The following AKAP9 variants were observed in gnomAD, a reference collection of about 807,000 sequenced individuals.
The protein encoded by AKAP9 is A-kinase anchor protein 9.
In AKAP9, 311 loss-of-function variants were observed where a neutral mutation model predicts 488.5. That is an observed-to-expected ratio of 0.64 (90% CI 0.58 to 0.70). The LOEUF is 0.70. Ranked by LOEUF, AKAP9 falls within the 30% of genes least tolerant of loss-of-function variation. The pLI, the probability that AKAP9 is intolerant of heterozygous loss-of-function variation, is 0.00. For synonymous variants in AKAP9, 1,462 were observed against 1,483.5 expected (o/e 0.99, Z 0.33); for missense variants, 4,215 against 4,374.5 (o/e 0.96, Z 1.03).
At chr7:91,947,629 C>T (rs188745665) in intron 1 of AKAP9, among the ~76,000 whole-genome samples, 21 of 152,258 alleles carry the variant, frequency 1.4e-4, no homozygotes, top group Middle Eastern at 3.4e-3. Context: ...CGTGAGCAAC[C>T]GCGCCCGGCC....
chr7:92,075,176 C>T (rs969624896), intron 28 of AKAP9, among the ~76,000 whole-genome samples: 1 of 152,062 alleles, frequency 6.6e-6, no homozygotes, highest in Admixed American at 6.5e-5. Flanking sequence ...CTCTACTGCT[C>T]TCGAGACCAC....
At chr7:91,957,826 T>G (rs184342616) in intron 1 of AKAP9, among the ~76,000 whole-genome samples, 376 of 152,360 alleles carry the variant, frequency 2.5e-3, no homozygotes, top group Middle Eastern at 0.017. Context: ...AGTATACTTT[T>G]ATCAAGAATG....
At chr7:92,106,935 T>C (rs142134325) in intron 47 of AKAP9, among the ~76,000 whole-genome samples, 3 of 152,340 alleles carry the variant, frequency 2.0e-5, no homozygotes, top group African/African-American at 7.2e-5. Context: ...TACATTGGTC[T>C]AATATTTTTT....
At chr7:92,009,030 C>T (rs1419131786) in intron 8 of AKAP9, among the ~76,000 whole-genome samples, 3 of 149,192 alleles carry the variant, frequency 2.0e-5, no homozygotes, top group Non-Finnish European at 4.5e-5. Context: ...AGACATAAAC[C>T]AAATGAGGCT....
At chr7:91,999,837 A>G (rs3753107) in intron 7 of AKAP9, among the ~76,000 whole-genome samples, 68,376 of 151,944 alleles carry the variant, frequency 0.45, 16,470 homozygotes, top group African/African-American at 0.63. Flanking sequence ...CAGCCTTGAC[A>G]TTTCTTCTTT....
intron 21 of AKAP9, among the ~76,000 whole-genome samples, chr7:92,045,727 T>A (rs191379507): frequency 8.2e-4 from 125 of 152,278 alleles, no homozygotes; most frequent in South Asian, 3.9e-3. Flanking sequence ...GTTGAAATAT[T>A]ACACAATGTG....
At position 92,086,223 on chromosome 7, in the gene AKAP9, G is replaced by T; in HGVS notation, c.9025-5G>T. 6.2e-7 allele frequency: 1 copy of T among 1,612,182 alleles called. No homozygotes were observed. The highest frequency in any genetic ancestry group is 8.5e-7 in the Non-Finnish European group (1 of 1,178,442). Reference sequence around the variant, plus strand: ...AACTAACTATCGTTATATGTACTTTGCTAGGTTTATGATAGTTCTCAATCT... The same window carrying T: ...AACTAACTATCGTTATATGTACTTTTCTAGGTTTATGATAGTTCTCAATCT... On this transcript the variant is annotated splice_polypyrimidine_tract_variant and splice_region_variant and intron_variant, in intron 36 of 49. Coordinates refer to ENST00000356239, the MANE Select transcript of AKAP9 (RefSeq NM_005751.5).
rs751790095 is a variant in AKAP9 at position 92,012,534 on chromosome 7, G to A, written c.3424G>A (p.Ala1142Thr). The A allele has an allele frequency of 1.9e-6, 3 of 1,613,922 alleles. No homozygotes were observed. Among genetic ancestry groups the A allele is most frequent in the Admixed American group, 3.3e-5 (2 of 60,022 alleles). ...ATATATGGAAAATGAAAAAGATAAA[G>A]CTCTTTGCAGTCTTAAAGAAGAGCT... The part of the protein sequence containing the change: ...REYMENEKDK[A>T]LCSLKEELIF... The change falls in exon 9 of 50, where the codon GCT (alanine) becomes ACT (threonine). Residue 1142 changes from alanine to threonine, a missense_variant. Ala to Thr is a moderately conservative substitution (Grantham distance 58, BLOSUM62 0). Coordinates refer to ENST00000356239, the MANE Select transcript of AKAP9 (RefSeq NM_005751.5).
intron 1 of AKAP9, among the ~76,000 whole-genome samples, chr7:91,960,616 G>A (rs956889068): frequency 2.6e-5 from 4 of 152,026 alleles, no homozygotes; most frequent in Non-Finnish European, 4.4e-5. Context: ...TTTCTTCAAA[G>A]CACTTTTTAT....
intron 1 of AKAP9, among the ~76,000 whole-genome samples, chr7:91,950,767 C>T (rs1792141382): frequency 6.6e-6 from 1 of 152,128 alleles, no homozygotes; most frequent in Non-Finnish European, 1.5e-5. Context: ...AGTAGATCTT[C>T]TTCTAAATGG....
intron 46 of AKAP9, among the ~76,000 whole-genome samples, chr7:92,104,592 G>T (rs180933028): frequency 1.3e-5 from 2 of 152,124 alleles, no homozygotes; most frequent in Non-Finnish European, 2.9e-5. Flanking sequence ...GGCAGGGAGC[G>T]GTTACAAAGC....
At chr7:91,965,518 A>C (rs956225805) in intron 1 of AKAP9, among the ~76,000 whole-genome samples, 1 of 152,156 alleles carries the variant, frequency 6.6e-6, no homozygotes, top group Admixed American at 6.5e-5. Flanking sequence ...TCTCCTTTGT[A>C]TATTGATTTT....
intron 16 of AKAP9, 147 bp downstream of exon 16, chr7:92,031,751 G>A (rs975134917): frequency 3.1e-6 from 2 of 640,974 alleles, no homozygotes; most frequent in Non-Finnish European, 2.7e-6. Context: ...AATTATAGTT[G>A]CCTTTAAACA....
intron 22 of AKAP9, 28 bp downstream of exon 22, chr7:92,052,986 C>T: frequency 6.4e-7 from 1 of 1,552,866 alleles, no homozygotes; most frequent in South Asian, 1.1e-5. Flanking sequence ...CTAATATGTA[C>T]TGAGTTTGAA....
At chr7:92,016,506 C>T (rs929058179) in intron 11 of AKAP9, among the ~76,000 whole-genome samples, 1 of 152,046 alleles carries the variant, frequency 6.6e-6, no homozygotes, top group African/African-American at 2.4e-5. Flanking sequence ...CTCTGTCTCT[C>T]TACTCCTATC....
In AKAP9 at chr7:92,027,336, TGAG is replaced by T. The variant is rs1334221532; in HGVS notation, c.4149-2555_4149-2553del. ...CCCGGCCGCCACCCCGTCTAGGAAG[TGAG>T]GAGCGCCTCTGCCCGGCCGCCTCGT... is the stretch of plus-strand genomic sequence containing the variant. On this transcript the variant is annotated intron_variant, in intron 14 of 49. Transcript: ENST00000356239. Among the ~76,000 whole-genome samples, 8 of 124,352 alleles carry T rather than the reference TGAG, an allele frequency of 6.4e-5. No individual in the cohort carries two copies. In the East Asian group the frequency reaches 1.3e-3, roughly 20 times the overall value. The allele number at this position is 124,352 out of a possible 152,430, so 81.6% of individuals were successfully genotyped here.
intron 1 of AKAP9, among the ~76,000 whole-genome samples, chr7:91,961,987 A>G (rs1436356351): frequency 6.6e-6 from 1 of 151,748 alleles, no homozygotes; most frequent in African/African-American, 2.4e-5. Context: ...TCTTTCCAGT[A>G]AATCTTGCAA....
At chr7:91,981,873 G>C (rs1796457256) in intron 3 of AKAP9, among the ~76,000 whole-genome samples, 1 of 151,990 alleles carries the variant, frequency 6.6e-6, no homozygotes, top group South Asian at 2.1e-4. Flanking sequence ...CGAAGTGCTG[G>C]GATTACAGGT....
At chr7:91,983,900 AT>A (rs1390480046) in intron 3 of AKAP9, among the ~76,000 whole-genome samples, 12 of 152,014 alleles carry the variant, frequency 7.9e-5, no homozygotes, top group Admixed American at 5.9e-4. Context: ...GATGATGAGC[AT>A]TTTTTCATGT....
Sources: gnomAD v4.1 joint callset for allele counts (sites outside exome capture counted in the v4.1 genomes callset) on GRCh38, gnomAD v4.1.1 for gene constraint, MANE v1.5 for transcripts, NCBI Gene and HGNC (gene_info 2026-07-23, HGNC 2026-07-21) for gene names.